The following KYNU variants were observed in gnomAD, a reference collection of about 807,000 sequenced individuals.
KYNU encodes the protein L-kynurenine hydrolase.
KYNU carries 54 observed loss-of-function variants against 59.2 expected under a neutral mutation model. That is an observed-to-expected ratio of 0.91 (90% CI 0.73 to 1.14). The LOEUF is 1.14. Ranked by LOEUF, KYNU falls within the 50% of genes most tolerant of loss-of-function variation. The pLI is 0.00. For synonymous variants in KYNU, 177 were observed against 192.0 expected, an observed-to-expected ratio of 0.92 and a Z score of 0.65; for missense variants, 567 against 554.4, an observed-to-expected ratio of 1.02 and a Z score of -0.23.
intron 12 of KYNU, among the ~76,000 whole-genome samples, chr2:143,037,850 A>C (rs766312384): frequency 4.6e-5 from 7 of 152,192 alleles, no homozygotes; most frequent in Non-Finnish European, 8.8e-5. Context: ...TTTTATGTGA[A>C]GCTCAGAATA....
At chr2:142,949,190 T>C (rs1683902628) in intron 4 of KYNU, among the ~76,000 whole-genome samples, 2 of 152,210 alleles carry the variant, frequency 1.3e-5, no homozygotes, top group South Asian at 4.1e-4. Flanking sequence ...ACAGCCTCAC[T>C]CCCAGCTGCC....
intron 11 of KYNU, among the ~76,000 whole-genome samples, chr2:143,032,297 AAAAAC>A (rs1686773004): frequency 1.2e-5 from 1 of 85,232 alleles, no homozygotes; most frequent in Non-Finnish European, 3.1e-5. Flanking sequence ...AACAAAAAAA[AAAAAC>A]AAAACAAAAA....
intron 8 of KYNU, among the ~76,000 whole-genome samples, chr2:142,967,705 G>A (rs1450458480): frequency 6.6e-6 from 1 of 151,976 alleles, no homozygotes; most frequent in Non-Finnish European, 1.5e-5. Flanking sequence ...ACAATTTTGA[G>A]TTTATTTTAG....
chr2:142,895,679 A>G (rs1372731457), intron 2 of KYNU, among the ~76,000 whole-genome samples: 1 of 151,858 alleles, frequency 6.6e-6, no homozygotes, highest in Non-Finnish European at 1.5e-5. Context: ...GGTCTCATGT[A>G]TTCTTTTTTT....
chr2:142,887,644 G>C (rs1208788922), intron 2 of KYNU, among the ~76,000 whole-genome samples: 5 of 152,120 alleles, frequency 3.3e-5, no homozygotes, highest in Non-Finnish European at 7.3e-5. Context: ...ATCATGCCAA[G>C]TGAAATAATC....
At position 142,985,964 on chromosome 2, in the gene KYNU, C is replaced by G. The variant is rs149755270; in HGVS notation, c.845C>G (p.Ala282Gly). The G allele has an allele frequency of 6.2e-7, 1 of 1,607,960 alleles. No individual in the cohort carries two copies. The highest frequency in any genetic ancestry group is 1.7e-5 in the Admixed American group (1 of 59,730). Reference sequence around the variant, plus strand: ...TCAATCTAGTATTTAAATGCAGGAGCAGGAGGAATTGCTGGTGCCTTCATT... The same window carrying G: ...TCAATCTAGTATTTAAATGCAGGAGGAGGAGGAATTGCTGGTGCCTTCATT... ...WCSYKYLNAG[A>G]GGIAGAFIHE... is the part of the protein sequence containing the mutation. The change falls in exon 10 of 14, where the codon GCA (alanine) becomes GGA (glycine). Residue 282 changes from alanine (A) to glycine (G), a missense_variant. By Grantham distance (60) the Ala-to-Gly change is moderately conservative (BLOSUM62 0). Coordinates refer to ENST00000264170, the MANE Select transcript of KYNU (RefSeq NM_003937.3).
chr2:142,911,890 T>A (rs1331709471), intron 2 of KYNU, among the ~76,000 whole-genome samples: 1 of 152,192 alleles, frequency 6.6e-6, no homozygotes, highest in African/African-American at 2.4e-5. Flanking sequence ...ATCCCAGGAA[T>A]AAAACCTACT....
intron 10 of KYNU, among the ~76,000 whole-genome samples, chr2:143,004,144 A>G (rs16858494): frequency 0.052 from 7,983 of 152,278 alleles, 559 homozygotes; most frequent in African/African-American, 0.16. Context: ...TTAATTTTCA[A>G]CTGTAAGGTT....
chr2:142,929,430 C>T (rs1683143230), intron 4 of KYNU, among the ~76,000 whole-genome samples: 2 of 150,784 alleles, frequency 1.3e-5, no homozygotes, highest in South Asian at 2.1e-4. Flanking sequence ...AAAAAGCCAG[C>T]TGCTTTACCC....
intron 11 of KYNU, among the ~76,000 whole-genome samples, chr2:143,030,652 G>GATTATT (rs530747327): frequency 5.2e-5 from 6 of 115,010 alleles, no homozygotes; most frequent in Non-Finnish European, 7.8e-5. Flanking sequence ...TGATGATGAT[G>GATTATT]CTGATTATTA....
At chr2:142,913,668 G>C (rs1682579618) in intron 2 of KYNU, among the ~76,000 whole-genome samples, 1 of 152,204 alleles carries the variant, frequency 6.6e-6, no homozygotes, top group Admixed American at 6.5e-5. Flanking sequence ...TGTATAATCT[G>C]TGGTTGATGG....
chr2:142,928,768 C>T (rs1683118608), intron 4 of KYNU, among the ~76,000 whole-genome samples: 1 of 151,932 alleles, frequency 6.6e-6, no homozygotes, highest in South Asian at 2.1e-4. Context: ...AGCACTTTGA[C>T]AGTCTGAGGT....
In KYNU at chr2:142,986,095, G is replaced by A. The variant is rs1343304512; in HGVS notation, c.902+74G>A. The A allele has an allele frequency of 4.9e-6, 5 of 1,030,344 alleles. No individual in the cohort carries two copies. The Admixed American group carries it at 5.2e-5, about 11-fold the overall frequency. The allele number at this position is 1,030,344 out of a possible 1,614,324, so 63.8% of individuals were successfully genotyped here. A position where few individuals can be genotyped will look rare whatever the true frequency, so the allele number is the denominator to read the frequency against. On this transcript the variant is annotated intron_variant, in intron 10 of 13. Transcript: ENST00000264170. ...CATTAATAATATGTTAAATTTACAT[G>A]AGTTCCTTAAGATGCTATCCAATAG...
chr2:142,924,856 C>G (rs1558924425), intron 3 of KYNU, among the ~76,000 whole-genome samples: 1 of 152,168 alleles, frequency 6.6e-6, no homozygotes, highest in Non-Finnish European at 1.5e-5. Flanking sequence ...TCAACTCTTT[C>G]TAATGACAGG....
intron 10 of KYNU, among the ~76,000 whole-genome samples, chr2:143,004,928 G>A (rs1573890934): frequency 6.6e-6 from 1 of 152,238 alleles, no homozygotes; most frequent in Non-Finnish European, 1.5e-5. Flanking sequence ...TTCATTGGTT[G>A]GGTGCCATCT....
chr2:142,892,269 C>G (rs1681742045), intron 2 of KYNU, among the ~76,000 whole-genome samples: 1 of 152,168 alleles, frequency 6.6e-6, no homozygotes, highest in Non-Finnish European at 1.5e-5. Flanking sequence ...ATATTTGTAA[C>G]CTTGTTATTT....
At chr2:142,919,771 T>TA (rs1228477624) in intron 3 of KYNU, among the ~76,000 whole-genome samples, 1 of 152,040 alleles carries the variant, frequency 6.6e-6, no homozygotes, top group Non-Finnish European at 1.5e-5. Flanking sequence ...TCACCTCTAC[T>TA]AAAAAAATAC....
chr2:142,961,723 T>C (rs1380876291), intron 8 of KYNU, among the ~76,000 whole-genome samples: 1 of 150,732 alleles, frequency 6.6e-6, no homozygotes, highest in Non-Finnish European at 1.5e-5. Flanking sequence ...TGTAAGTGTT[T>C]GTAAAAAGTG....
At chr2:142,960,861 T>C in intron 8 of KYNU, 91 bp downstream of exon 8, 1 of 1,347,526 alleles carries the variant, frequency 7.4e-7, no homozygotes, top group Non-Finnish European at 1.1e-6. Context: ...GTACTTTAGC[T>C]TGTGTCTGAG....
Sources: gnomAD v4.1 joint callset for allele counts (sites outside exome capture counted in the v4.1 genomes callset) on GRCh38, gnomAD v4.1.1 for gene constraint, MANE v1.5 for transcripts, NCBI Gene and HGNC (gene_info 2026-07-23, HGNC 2026-07-21) for gene names.